The following FAM240B variants were observed in gnomAD, a reference collection of about 807,000 sequenced individuals.
FAM240B encodes the protein protein FAM240B.
In FAM240B at chr9:38,694,880, G is replaced by A. The variant is rs1356940785; in HGVS notation, c.144-11C>T. 5.0e-6 allele frequency: 2 copies of A among 398,708 alleles called. No homozygotes were observed. The highest frequency in any genetic ancestry group is 8.8e-6 in the Non-Finnish European group (2 of 226,130). 24.7% of individuals were successfully genotyped at this position (398,708 alleles called of 1,614,324 possible). ...CATTCTTCTCTGAGTCTGCGGAGGG[G>A]AAACCGTGCACATGCTCAGTGCATT... On this transcript the variant is annotated splice_polypyrimidine_tract_variant and intron_variant, in intron 2 of 2. Transcript: ENST00000637493.
Position 38,716,209 on chromosome 9 carries a change from A to G in FAM240B, c.-4+3813T>C, listed in dbSNP as rs188600145. ...GCCCTTGGCCCGGTGCGGTGGCTCA[A>G]GCCAGTAATCTCAGCACTTTGGGAG... On this transcript the variant is annotated intron_variant, in intron 1 of 2. Transcript: ENST00000637493. 4.2e-3 allele frequency among the ~76,000 whole-genome samples: 643 copies of G among 152,212 alleles called. 22 individuals are homozygous for G. The highest frequency in any genetic ancestry group is 1.2e-3 in the Non-Finnish European group (84 of 68,016).
chr9:38,718,576 G>A (rs1302660828), intron 1 of FAM240B, among the ~76,000 whole-genome samples: 1 of 152,144 alleles, frequency 6.6e-6, no homozygotes, highest in Non-Finnish European at 1.5e-5. Context: ...AAAATACCGT[G>A]CTGAATTAAT....
intron 1 of FAM240B, among the ~76,000 whole-genome samples, chr9:38,719,462 G>A (rs1025003443): frequency 6.6e-6 from 1 of 152,146 alleles, no homozygotes; most frequent in Admixed American, 6.5e-5. Flanking sequence ...ATTGAAGCTT[G>A]ACTTTGTGTG....
chr9:38,718,703 T>C (rs1821335644), intron 1 of FAM240B, among the ~76,000 whole-genome samples: 1 of 152,202 alleles, frequency 6.6e-6, no homozygotes, highest in Admixed American at 6.5e-5. Context: ...TTAATCAGTT[T>C]CATTGCATTC....
intron 2 of FAM240B, among the ~76,000 whole-genome samples, chr9:38,695,993 A>G (rs905567005): frequency 1.3e-5 from 2 of 152,210 alleles, no homozygotes; most frequent in African/African-American, 2.4e-5. Flanking sequence ...CTATATTCAA[A>G]CAATGGGCTT....
At chr9:38,707,683 A>G (rs913383451) in intron 1 of FAM240B, among the ~76,000 whole-genome samples, 1 of 151,380 alleles carries the variant, frequency 6.6e-6, no homozygotes, top group African/African-American at 2.4e-5. Context: ...AATCCCAGCT[A>G]CTCAGGAGGC....
At chr9:38,699,214 G>C (rs10973980) in intron 2 of FAM240B, among the ~76,000 whole-genome samples, 13 of 152,108 alleles carry the variant, frequency 8.5e-5, no homozygotes, top group African/African-American at 2.9e-4. Flanking sequence ...TGATAAGTCC[G>C]GGGCTTACCT....
At chr9:38,713,481 C>CAAAA (rs77404875) in intron 1 of FAM240B, among the ~76,000 whole-genome samples, 1,220 of 83,004 alleles carry the variant, frequency 0.015, 17 homozygotes, top group South Asian at 0.052. Flanking sequence ...CCGTTTCAAA[C>CAAAA]AAAAAAAAAA....
intron 2 of FAM240B, among the ~76,000 whole-genome samples, chr9:38,697,832 T>C (rs1394495286): frequency 1.3e-5 from 2 of 152,210 alleles, no homozygotes; most frequent in Admixed American, 6.5e-5. Flanking sequence ...TAGCTTGAAA[T>C]AGACTGTGGT....
chr9:38,717,901 A>G (rs1306511218), intron 1 of FAM240B, among the ~76,000 whole-genome samples: 1 of 152,228 alleles, frequency 6.6e-6, no homozygotes, highest in Non-Finnish European at 1.5e-5. Context: ...AGGATATGAA[A>G]TAAAGAAGTG....
At chr9:38,707,862 A>C (rs930546397) in intron 1 of FAM240B, among the ~76,000 whole-genome samples, 2 of 151,940 alleles carry the variant, frequency 1.3e-5, no homozygotes, top group Non-Finnish European at 2.9e-5. Flanking sequence ...GATGCATGCC[A>C]GCTCTGCTTC....
chr9:38,707,593 C>T (rs1202469196), intron 1 of FAM240B, among the ~76,000 whole-genome samples: 1 of 150,370 alleles, frequency 6.7e-6, no homozygotes, highest in Admixed American at 6.6e-5. Flanking sequence ...ACGATGAAAC[C>T]CCGTCTCTAC....
chr9:38,708,367 G>A (rs1259512913), intron 1 of FAM240B, among the ~76,000 whole-genome samples: 1 of 152,126 alleles, frequency 6.6e-6, no homozygotes, highest in East Asian at 1.9e-4. Flanking sequence ...GGCTGTTCAG[G>A]CTCGCTATTG....
chr9:38,695,942 T>C (rs1343644447), intron 2 of FAM240B, among the ~76,000 whole-genome samples: 4 of 152,256 alleles, frequency 2.6e-5, no homozygotes, highest in African/African-American at 9.6e-5. Flanking sequence ...CAATGGAGGA[T>C]GGATAGGCTT....
At chr9:38,706,380 G>C (rs1188401283) in intron 1 of FAM240B, among the ~76,000 whole-genome samples, 1 of 152,142 alleles carries the variant, frequency 6.6e-6, no homozygotes, top group East Asian at 1.9e-4. Flanking sequence ...GTTTGACTTA[G>C]GTGCCCTCTC....
intron 2 of FAM240B, among the ~76,000 whole-genome samples, chr9:38,700,322 G>C (rs1389225857): frequency 1.3e-5 from 2 of 152,230 alleles, no homozygotes; most frequent in East Asian, 3.8e-4. Flanking sequence ...GCAGCCTTCA[G>C]AGCAAGAGAG....
intron 1 of FAM240B, among the ~76,000 whole-genome samples, chr9:38,717,489 T>C (rs1821320103): frequency 1.3e-5 from 2 of 152,094 alleles, no homozygotes; most frequent in Admixed American, 6.5e-5. Flanking sequence ...TGTTTGTTTG[T>C]TTGTTTTTTG....
At chr9:38,709,084 C>T (rs1489227188) in intron 1 of FAM240B, among the ~76,000 whole-genome samples, 2 of 152,040 alleles carry the variant, frequency 1.3e-5, no homozygotes, top group Admixed American at 6.5e-5. Flanking sequence ...TGATGCTGAA[C>T]ATGTTTAAGG....
At chr9:38,719,213 G>A (rs1564002913) in intron 1 of FAM240B, among the ~76,000 whole-genome samples, 2 of 152,038 alleles carry the variant, frequency 1.3e-5, no homozygotes, top group Admixed American at 6.6e-5. Context: ...ACTGTTCTTC[G>A]ATAAATAAGC....
Sources: gnomAD v4.1 joint callset for allele counts (sites outside exome capture counted in the v4.1 genomes callset) on GRCh38, gnomAD v4.1.1 for gene constraint, MANE v1.5 for transcripts, NCBI Gene and HGNC (gene_info 2026-07-23, HGNC 2026-07-21) for gene names.